The following KIF13B variants were observed in gnomAD, a reference collection of about 807,000 sequenced individuals.
The protein encoded by KIF13B is kinesin family member 13B.
In KIF13B, 127 loss-of-function variants were observed where a neutral mutation model predicts 222.0. The observed-to-expected ratio is 0.57, with a 90% CI of 0.50 to 0.66. The LOEUF is 0.66. Among genes scored for constraint, KIF13B ranks in the 30% least tolerant of loss-of-function variants. The pLI is 0.00. For missense variants in KIF13B, 2,173 were observed against 2,379.0 expected (o/e 0.91, Z 1.80); for synonymous variants, 976 against 919.0 (o/e 1.06, Z -1.12).
intron 26 of KIF13B, 66 bp from the exon 27 acceptor site, chr8:29,124,189 C>G (rs1810004599): frequency 1.1e-6 from 1 of 930,250 alleles, no homozygotes; most frequent in Non-Finnish European, 1.7e-6. Flanking sequence ...AACTGATGCT[C>G]TATCTTACCT....
chr8:29,145,148 C>T (rs921649339), intron 18 of KIF13B, among the ~76,000 whole-genome samples: 1 of 152,162 alleles, frequency 6.6e-6, no homozygotes, highest in African/African-American at 2.4e-5. Context: ...CTTTGCCCTA[C>T]AAATACTAGT....
At chr8:29,138,249 C>T (rs770380760) in intron 21 of KIF13B, among the ~76,000 whole-genome samples, 1 of 152,136 alleles carries the variant, frequency 6.6e-6, no homozygotes, top group Middle Eastern at 3.4e-3. Flanking sequence ...GTGGGAGAAT[C>T]GCTTGAACCC....
At chr8:29,254,074 A>G (rs534532812) in intron 1 of KIF13B, among the ~76,000 whole-genome samples, 30 of 152,226 alleles carry the variant, frequency 2.0e-4, no homozygotes, top group Non-Finnish European at 1.8e-4. Context: ...CAAGGGTACC[A>G]AGACAATCTA....
At chr8:29,118,766 A>T in intron 30 of KIF13B, 102 bp downstream of exon 30, 1 of 1,198,306 alleles carries the variant, frequency 8.3e-7, no homozygotes, top group Non-Finnish European at 1.2e-6. Context: ...TATTTTGAGA[A>T]ATGTAAAGTA....
intron 35 of KIF13B, among the ~76,000 whole-genome samples, chr8:29,101,444 C>T (rs1808781133): frequency 6.6e-6 from 1 of 152,182 alleles, no homozygotes; most frequent in African/African-American, 2.4e-5. Flanking sequence ...ACCTGGGCTG[C>T]TTGACGTAGA....
chr8:29,140,843 C>G, intron 19 of KIF13B: 1 of 425,956 alleles, frequency 2.3e-6, no homozygotes, highest in Non-Finnish European at 4.1e-6. Context: ...GAGCATCCTC[C>G]ACCCATGACA....
At position 29,148,733 on chromosome 8, in the gene KIF13B, G is replaced by T. The variant is rs771524087; in HGVS notation, c.1657C>A (p.Arg553=). The change falls in exon 16 of 40, where the codon CGA becomes AGA. Residue 553 remains arginine (R), a synonymous_variant. Transcript: ENST00000524189. ...NLPKKKKKAE[R]EDEDQDPSMK... ...GAGGGATCCTGGTCCTCATCCTCTC[G>T]TTCTGCTTTCTTTTTCTTTTTAGGC... 1.7e-4 allele frequency: 271 copies of T among 1,599,010 alleles called. No homozygotes were observed. Among genetic ancestry groups the T allele is most frequent in the Non-Finnish European group, 3.7e-5 (44 of 1,173,746 alleles).
chr8:29,136,731 A>C (rs1810573919), intron 21 of KIF13B, among the ~76,000 whole-genome samples: 1 of 149,752 alleles, frequency 6.7e-6, no homozygotes, highest in African/African-American at 2.5e-5. Flanking sequence ...TAGCTACCTT[A>C]CTCTACAGGG....
chr8:29,107,976 C>A (rs546399401), intron 35 of KIF13B, among the ~76,000 whole-genome samples, 163 bp downstream of exon 35: 1 of 152,160 alleles, frequency 6.6e-6, no homozygotes, highest in African/African-American at 2.4e-5. Flanking sequence ...TTTTAATTGG[C>A]AAATTAAAAG....
At chr8:29,194,252 T>C (rs972501679) in intron 3 of KIF13B, among the ~76,000 whole-genome samples, 1 of 151,852 alleles carries the variant, frequency 6.6e-6, no homozygotes, top group Non-Finnish European at 1.5e-5. Context: ...TTATCAGAGA[T>C]AGGTTCTAAA....
At chr8:29,170,914 CA>C (rs771005145) in intron 10 of KIF13B, among the ~76,000 whole-genome samples, 67 of 151,058 alleles carry the variant, frequency 4.4e-4, no homozygotes, top group Middle Eastern at 3.4e-3. Context: ...CCTGTTTATA[CA>C]AAAAAGAAAA....
chr8:29,135,750 C>A (rs1586825505), intron 21 of KIF13B, among the ~76,000 whole-genome samples: 1 of 152,080 alleles, frequency 6.6e-6, no homozygotes, highest in East Asian at 1.9e-4. Flanking sequence ...CAAAAATTAG[C>A]CAGATGTGGT....
intron 11 of KIF13B, 143 bp downstream of exon 11, chr8:29,167,230 C>T (rs1812042388): frequency 8.0e-6 from 5 of 621,526 alleles, no homozygotes; most frequent in East Asian, 2.8e-5. Context: ...TTATTTATTA[C>T]TCATCCCAAA....
At chr8:29,131,705 C>T (rs1563727273) in intron 23 of KIF13B, among the ~76,000 whole-genome samples, 1 of 152,194 alleles carries the variant, frequency 6.6e-6, no homozygotes, top group Non-Finnish European at 1.5e-5. Context: ...CTCTCTACAG[C>T]TGATTAATTA....
intron 2 of KIF13B, among the ~76,000 whole-genome samples, chr8:29,197,066 G>T (rs566645376): frequency 6.6e-6 from 1 of 151,916 alleles, no homozygotes. Context: ...GGCCGGGCGC[G>T]GTGGCTCACG....
intron 9 of KIF13B, among the ~76,000 whole-genome samples, chr8:29,176,898 G>C (rs1389009314): frequency 6.6e-6 from 1 of 152,128 alleles, no homozygotes; most frequent in East Asian, 1.9e-4. Flanking sequence ...TAAAGTCTTA[G>C]CTTCTTGGAC....
chr8:29,190,813 G>A (rs1157087174), intron 4 of KIF13B, 184 bp downstream of exon 4: 2 of 629,610 alleles, frequency 3.2e-6, no homozygotes, highest in Non-Finnish European at 5.8e-6. Context: ...CGCTTGGGGT[G>A]CAGGGAAAAC....
At chr8:29,216,275 A>G (rs1040929843) in intron 2 of KIF13B, among the ~76,000 whole-genome samples, 2 of 152,210 alleles carry the variant, frequency 1.3e-5, no homozygotes, top group Non-Finnish European at 2.9e-5. Flanking sequence ...TAACAAAGCT[A>G]GATTCAAACC....
At chr8:29,231,551 G>A (rs1815286127) in intron 2 of KIF13B, among the ~76,000 whole-genome samples, 1 of 152,154 alleles carries the variant, frequency 6.6e-6, no homozygotes, top group African/African-American at 2.4e-5. Flanking sequence ...GGATGAGAAT[G>A]AAATTGAGCA....
Sources: allele counts gnomAD v4.1 joint callset (sites outside exome capture counted in the v4.1 genomes callset), GRCh38; gene constraint gnomAD v4.1.1; transcripts MANE v1.5; gene names NCBI Gene and HGNC (gene_info 2026-07-23, HGNC 2026-07-21).